RANBP9: variants seen among roughly 807,000 people sequenced by gnomAD.
RANBP9 encodes the protein RAN binding protein 9, also known as ran-binding protein 9.
RANBP9 carries 15 observed loss-of-function variants against 84.3 expected under a neutral mutation model. That is an observed-to-expected ratio of 0.18 (90% CI 0.12 to 0.27). The LOEUF (loss-of-function observed/expected upper bound fraction) is 0.27. Among genes scored for constraint, RANBP9 ranks in the 10% least tolerant of loss-of-function variants. RANBP9 has a pLI of 1.00. For synonymous variants in RANBP9, 392 were observed against 349.6 expected, an observed-to-expected ratio of 1.12 and a Z score of -1.35; for missense variants, 809 against 912.8, an observed-to-expected ratio of 0.89 and a Z score of 1.46.
In RANBP9 at chr6:13,625,639, T is replaced by C; in HGVS notation, c.2059+14A>G. ...GAATCTAACTGAAATTGTGCCTTAT[T>C]TGGCTTTACTTACCTAATATTGCAC... On this transcript the variant is annotated intron_variant, in intron 13 of 13. Coordinates refer to ENST00000011619, the MANE Select transcript of RANBP9 (RefSeq NM_005493.3). 6.4e-7 allele frequency: 1 copy of C among 1,552,432 alleles called. No homozygotes were observed. Among genetic ancestry groups the C allele is most frequent in the East Asian group, 2.2e-5 (1 of 44,514 alleles).
chr6:13,682,512 G>A (rs1160276326), intron 2 of RANBP9, among the ~76,000 whole-genome samples: 1 of 151,500 alleles, frequency 6.6e-6, no homozygotes, highest in African/African-American at 2.4e-5. Context: ...CAGTGCAATG[G>A]CACGATCTTG....
chr6:13,700,002 A>T (rs1757926489), intron 1 of RANBP9, among the ~76,000 whole-genome samples: 1 of 152,208 alleles, frequency 6.6e-6, no homozygotes, highest in African/African-American at 2.4e-5. Flanking sequence ...ATTACCTCAA[A>T]TTCTGTGGTA....
chr6:13,658,407 G>A (rs185331835), intron 3 of RANBP9, among the ~76,000 whole-genome samples: 18 of 152,214 alleles, frequency 1.2e-4, no homozygotes, highest in Admixed American at 1.0e-3. Context: ...TCAGGGGCTC[G>A]AGACCAGCCT....
intron 13 of RANBP9, 61 bp downstream of exon 13, chr6:13,625,592 C>A: frequency 8.3e-7 from 1 of 1,210,830 alleles, no homozygotes; most frequent in Non-Finnish European, 1.2e-6. Flanking sequence ...CCAGTACAAA[C>A]ACCCTCTCTT....
At chr6:13,658,751 A>C in intron 3 of RANBP9, 29 bp downstream of exon 3, 1 of 1,516,804 alleles carries the variant, frequency 6.6e-7, no homozygotes, top group African/African-American at 1.4e-5. Context: ...CTCATAAGAC[A>C]TAATACTGTA....
chr6:13,659,257 T>TACATAC (rs759705290), intron 2 of RANBP9, among the ~76,000 whole-genome samples: 6 of 130,558 alleles, frequency 4.6e-5, no homozygotes, highest in African/African-American at 1.7e-4. Flanking sequence ...CACACACACA[T>TACATAC]ACACACACAC....
chr6:13,711,464 TTGC>T lies in RANBP9; in HGVS notation c.39_41del (p.Gln18del), dbSNP rs753944658. 1.9e-5 allele frequency: 23 copies of T among 1,235,724 alleles called. No individual in the cohort carries two copies. In the South Asian group the frequency reaches 4.0e-4, roughly 21 times the overall value. The allele number at this position is 1,235,724 out of a possible 1,614,324, so 76.5% of individuals were successfully genotyped here. A position where few individuals can be genotyped will look rare whatever the true frequency, so the allele number is the denominator to read the frequency against. ...GTGGCGGCGACAGCTGCTGCTGCTG[TTGC>T]TGCTGCTGCGGCGGCGGCGGCGGCG... is the stretch of plus-strand genomic sequence containing the variant. On this transcript the variant is annotated inframe_deletion, in exon 1 of 14. Coordinates refer to ENST00000011619, the MANE Select transcript of RANBP9 (RefSeq NM_005493.3).
intron 1 of RANBP9, among the ~76,000 whole-genome samples, chr6:13,705,988 A>G (rs763030544): frequency 6.6e-6 from 1 of 152,170 alleles, no homozygotes; most frequent in African/African-American, 2.4e-5. Context: ...AAGAAATTAG[A>G]TAAGCAATTA....
intron 2 of RANBP9, among the ~76,000 whole-genome samples, chr6:13,678,734 A>T (rs758073195): frequency 1.3e-5 from 2 of 151,954 alleles, no homozygotes; most frequent in Non-Finnish European, 2.9e-5. Context: ...TCCTGACTAA[A>T]ACCTGGTGCT....
intron 1 of RANBP9, among the ~76,000 whole-genome samples, chr6:13,698,999 AGT>A (rs1757904960): frequency 6.6e-6 from 1 of 152,230 alleles, no homozygotes; most frequent in Non-Finnish European, 1.5e-5. Flanking sequence ...GAAAGTAAAC[AGT>A]CTCTCAAAGA....
chr6:13,707,202 A>T (rs1561699303), intron 1 of RANBP9, among the ~76,000 whole-genome samples: 1 of 152,132 alleles, frequency 6.6e-6, no homozygotes, highest in East Asian at 1.9e-4. Context: ...TTTTAGGGGT[A>T]GAGACGGGGT....
chr6:13,640,869 A>G (rs907113626), intron 8 of RANBP9, among the ~76,000 whole-genome samples: 1 of 152,154 alleles, frequency 6.6e-6, no homozygotes, highest in African/African-American at 2.4e-5. Flanking sequence ...TGTATATTTT[A>G]CCACAATTTT....
At chr6:13,655,823 T>C (rs187633770) in intron 4 of RANBP9, among the ~76,000 whole-genome samples, 38 of 152,298 alleles carry the variant, frequency 2.5e-4, no homozygotes, top group African/African-American at 8.2e-4. Flanking sequence ...TAAGATTATA[T>C]GAACAGTCAG....
intron 2 of RANBP9, among the ~76,000 whole-genome samples, chr6:13,682,014 A>G (rs1766052443): frequency 6.6e-6 from 1 of 152,064 alleles, no homozygotes; most frequent in Non-Finnish European, 1.5e-5. Context: ...GGCACGTGCC[A>G]CCACACCTGG....
intron 9 of RANBP9, 96 bp downstream of exon 9, chr6:13,639,467 C>T (rs891897930): frequency 1.4e-5 from 19 of 1,333,888 alleles, no homozygotes; most frequent in South Asian, 2.8e-5. Context: ...CGTGAGCCAC[C>T]GTGCCCAGCT....
chr6:13,667,635 T>G (rs752898102), intron 2 of RANBP9, among the ~76,000 whole-genome samples: 1 of 152,166 alleles, frequency 6.6e-6, no homozygotes, highest in Admixed American at 6.5e-5. Flanking sequence ...GTGATGTATT[T>G]AGATACACAA....
intron 1 of RANBP9, among the ~76,000 whole-genome samples, chr6:13,703,031 G>T (rs973811711): frequency 2.6e-5 from 4 of 152,180 alleles, no homozygotes; most frequent in Non-Finnish European, 5.9e-5. Flanking sequence ...GAGGCTGTTT[G>T]AGACAGTGTC....
chr6:13,634,893 C>T (rs1037236714), intron 10 of RANBP9, among the ~76,000 whole-genome samples: 2 of 152,090 alleles, frequency 1.3e-5, no homozygotes, highest in Admixed American at 6.5e-5. Context: ...AACTGCTGCC[C>T]CACCAACTCC....
chr6:13,625,793 A>C (rs1445584891), intron 12 of RANBP9, 29 bp from the exon 13 acceptor site: 1 of 1,453,354 alleles, frequency 6.9e-7, no homozygotes, highest in Admixed American at 1.7e-5. Context: ...TTTGGTTTTA[A>C]TTCAAATAGT....
Sources: allele counts gnomAD v4.1 joint callset (sites outside exome capture counted in the v4.1 genomes callset), GRCh38; gene constraint gnomAD v4.1.1; transcripts MANE v1.5; gene names NCBI Gene and HGNC (gene_info 2026-07-23, HGNC 2026-07-21).